FILIP1L: variants seen among roughly 807,000 people sequenced by gnomAD.
The protein encoded by FILIP1L is filamin A-interacting protein 1-like.
A neutral mutation model predicts 96.6 loss-of-function variants in FILIP1L; 55 were observed. The observed-to-expected ratio is 0.57, with a 90% CI of 0.46 to 0.71. The LOEUF is 0.71. FILIP1L is among the 30% of genes least tolerant of loss of function. The probability of loss-of-function intolerance (pLI) is 0.00; values close to 1 mark genes in which losing one functional copy is unlikely to be tolerated. For synonymous variants in FILIP1L, 467 were observed against 473.9 expected (o/e 0.99, Z 0.19); for missense variants, 1,304 against 1,321.2 (o/e 0.99, Z 0.20).
chr3:99,846,406 T>C (rs556985181), intron 5 of FILIP1L, among the ~76,000 whole-genome samples: 1 of 152,334 alleles, frequency 6.6e-6, no homozygotes, highest in South Asian at 2.1e-4. Context: ...TAGAAAAAGA[T>C]CTCATGAAGC....
chr3:99,982,233 C>G (rs1363494044), intron 1 of FILIP1L, among the ~76,000 whole-genome samples: 2 of 151,944 alleles, frequency 1.3e-5, no homozygotes, highest in Non-Finnish European at 2.9e-5. Flanking sequence ...TCTTTGTACA[C>G]ATCTTTTTTT....
chr3:100,007,598 A>G (rs1250128961), intron 1 of FILIP1L, among the ~76,000 whole-genome samples: 9 of 152,208 alleles, frequency 5.9e-5, no homozygotes. Context: ...AGGCACAGAG[A>G]GGCCCAGAAT....
intron 4 of FILIP1L, among the ~76,000 whole-genome samples, chr3:99,858,697 A>T (rs565002197): frequency 6.6e-6 from 1 of 152,322 alleles, no homozygotes; most frequent in South Asian, 2.1e-4. Flanking sequence ...CACGTCATGG[A>T]GCCTCTGGAA....
intron 4 of FILIP1L, among the ~76,000 whole-genome samples, chr3:99,902,736 C>A (rs1258019313): frequency 6.6e-6 from 1 of 152,094 alleles, no homozygotes; most frequent in Non-Finnish European, 1.5e-5. Flanking sequence ...CAGGCATATC[C>A]ATGTTATGCT....
At chr3:99,918,802 T>G (rs1414975154) in intron 4 of FILIP1L, among the ~76,000 whole-genome samples, 1 of 152,188 alleles carries the variant, frequency 6.6e-6, no homozygotes, top group Non-Finnish European at 1.5e-5. Context: ...AGAATTACAA[T>G]AACAAAATAT....
chr3:100,050,888 A>T (rs1246614114), intron 1 of FILIP1L, among the ~76,000 whole-genome samples: 1 of 152,170 alleles, frequency 6.6e-6, no homozygotes, highest in African/African-American at 2.4e-5. Context: ...TGTGAGACAC[A>T]TTCTTTGGGA....
intron 4 of FILIP1L, among the ~76,000 whole-genome samples, chr3:99,873,812 C>T (rs1268923655): frequency 2.0e-5 from 3 of 152,152 alleles, no homozygotes; most frequent in Admixed American, 1.3e-4. Flanking sequence ...TAGTCTCCAT[C>T]ACAGCATTAG....
At chr3:99,951,690 C>T (rs1028700307) in intron 1 of FILIP1L, among the ~76,000 whole-genome samples, 2 of 152,182 alleles carry the variant, frequency 1.3e-5, no homozygotes, top group Non-Finnish European at 2.9e-5. Flanking sequence ...ATGTCTCTTC[C>T]CTAATGACAT....
intron 1 of FILIP1L, among the ~76,000 whole-genome samples, chr3:100,086,653 A>T (rs1259680172): frequency 6.6e-6 from 1 of 152,156 alleles, no homozygotes; most frequent in East Asian, 1.9e-4. Context: ...GAGCCTCTTT[A>T]AATTTTTGAT....
At chr3:100,030,063 G>C (rs893236819) in intron 1 of FILIP1L, among the ~76,000 whole-genome samples, 2 of 152,128 alleles carry the variant, frequency 1.3e-5, no homozygotes, top group African/African-American at 2.4e-5. Context: ...ATCAGAACTG[G>C]AAAGGACCTT....
intron 1 of FILIP1L, among the ~76,000 whole-genome samples, chr3:99,943,577 G>A (rs911776356): frequency 1.3e-5 from 2 of 151,978 alleles, no homozygotes; most frequent in Admixed American, 6.6e-5. Flanking sequence ...GGTGGCATGC[G>A]CCTGTAGTCC....
intron 1 of FILIP1L, among the ~76,000 whole-genome samples, chr3:99,984,947 A>T (rs1709287195): frequency 6.6e-6 from 1 of 152,190 alleles, no homozygotes; most frequent in South Asian, 2.1e-4. Context: ...TAAACTGAGG[A>T]TATTGCTCTT....
chr3:99,977,244 C>A (rs554757804), intron 1 of FILIP1L, among the ~76,000 whole-genome samples: 1 of 152,106 alleles, frequency 6.6e-6, no homozygotes, highest in Non-Finnish European at 1.5e-5. Flanking sequence ...CACAGTGGAG[C>A]TGATGCCTCA....
intron 4 of FILIP1L, among the ~76,000 whole-genome samples, chr3:99,865,745 C>CA (rs1348999803): frequency 6.6e-6 from 1 of 151,278 alleles, no homozygotes; most frequent in Non-Finnish European, 1.5e-5. Flanking sequence ...ACTTCAAGGG[C>CA]ATAATAATAA....
At chr3:99,920,556 A>T (rs1265296839) in intron 4 of FILIP1L, among the ~76,000 whole-genome samples, 2 of 152,228 alleles carry the variant, frequency 1.3e-5, no homozygotes, top group Non-Finnish European at 2.9e-5. Context: ...GTCATGAAAC[A>T]TGGATAGAAT....
At chr3:99,944,875 C>A (rs1365162730) in intron 1 of FILIP1L, among the ~76,000 whole-genome samples, 2 of 152,138 alleles carry the variant, frequency 1.3e-5, no homozygotes, top group African/African-American at 4.8e-5. Context: ...AAACATAGAT[C>A]ACCAGGGAGA....
intron 4 of FILIP1L, among the ~76,000 whole-genome samples, chr3:99,851,361 GT>G (rs1389467133): frequency 2.0e-5 from 3 of 152,214 alleles, no homozygotes; most frequent in Admixed American, 6.5e-5. Flanking sequence ...CATGTAATTA[GT>G]AGGCAGTCTG....
chr3:100,096,741 A>G (rs1436266165), intron 1 of FILIP1L, among the ~76,000 whole-genome samples: 1 of 152,152 alleles, frequency 6.6e-6, no homozygotes, highest in Non-Finnish European at 1.5e-5. Context: ...ATTTAATTGT[A>G]CATTTTAAAA....
intron 4 of FILIP1L, among the ~76,000 whole-genome samples, chr3:99,885,287 T>C (rs888308586): frequency 1.3e-5 from 2 of 152,232 alleles, no homozygotes; most frequent in African/African-American, 2.4e-5. Context: ...GGCTATTTCA[T>C]GGGGACCTGG....
Sources: gnomAD v4.1 joint callset for allele counts (sites outside exome capture counted in the v4.1 genomes callset) on GRCh38, gnomAD v4.1.1 for gene constraint, MANE v1.5 for transcripts, NCBI Gene and HGNC (gene_info 2026-07-23, HGNC 2026-07-21) for gene names.